SEC31B: variants seen among roughly 807,000 people sequenced by gnomAD.
SEC31B encodes the protein protein transport protein Sec31B.
In SEC31B, 113 loss-of-function variants were observed where a neutral mutation model predicts 135.0. The observed-to-expected ratio is 0.84, with a 90% confidence interval of 0.72 to 0.98. SEC31B has a LOEUF of 0.98. SEC31B is among the 50% of genes least tolerant of loss of function. The pLI, the probability that SEC31B is intolerant of heterozygous loss-of-function variation, is 0.00. For missense variants in SEC31B, 1,296 were observed against 1,421.1 expected (o/e 0.91, Z 1.42); for synonymous variants, 508 against 549.4 (o/e 0.92, Z 1.05).
rs1236871882 is a variant in SEC31B, at chr10:100,498,764, G to C, written c.1625C>G (p.Ala542Gly). The change falls in exon 14 of 26, where the codon GCC becomes GGC. Residue 542 changes from alanine (A) to glycine (G), a missense_variant. By Grantham distance (60) the Ala-to-Gly change is moderately conservative. Coordinates refer to ENST00000370345, the MANE Select transcript of SEC31B (RefSeq NM_015490.4). ...CTGAGGGACCAGCTCATCAAAGAAG[G>C]CTGAGGAAGCAGAGGCTTCCTTTGT... ...HTTKEASASS[A>G]FFDELVPQNM... 6.2e-7 allele frequency: 1 copy of C among 1,613,962 alleles called. No individual in the cohort carries two copies. The highest frequency in any genetic ancestry group is 1.1e-5 in the South Asian group (1 of 91,074).
chr10:100,493,101 C>T (rs186701866), intron 19 of SEC31B, among the ~76,000 whole-genome samples: 285 of 152,256 alleles, frequency 1.9e-3, no homozygotes, highest in African/African-American at 6.3e-3. Context: ...GGGCCGGGCG[C>T]GGTGGCTCAT....
At chr10:100,496,113 C>T in intron 18 of SEC31B, 145 bp downstream of exon 18, 1 of 826,484 alleles carries the variant, frequency 1.2e-6, no homozygotes, top group Non-Finnish European at 1.9e-6. Flanking sequence ...GATCTTCCCC[C>T]AGTAGATTGT....
chr10:100,504,415 G>A (rs779589204), intron 10 of SEC31B, among the ~76,000 whole-genome samples: 32 of 152,232 alleles, frequency 2.1e-4, no homozygotes, highest in Non-Finnish European at 3.7e-4. Flanking sequence ...CTAGTCCTCC[G>A]ACCAGCTGCA....
At position 100,507,786 on chromosome 10, in the gene SEC31B, C is replaced by T. The variant is rs945235453; in HGVS notation, c.639+122G>A. 64 of 1,398,828 alleles carry T rather than the reference C, an allele frequency of 4.6e-5. No individual in the cohort carries two copies. In the African/African-American group the frequency reaches 5.8e-4, roughly 13 times the overall value. The allele number at this position is 1,398,828 out of a possible 1,614,324, so 86.7% of individuals were successfully genotyped here. Reference sequence around the variant, plus strand: ...CACTCTCAATAGGAAATGTGCTAAGCGGCTGACTCCACATGTCCGACAGCT... The same window carrying T: ...CACTCTCAATAGGAAATGTGCTAAGTGGCTGACTCCACATGTCCGACAGCT... On this transcript the variant is annotated intron_variant, in intron 6 of 25. Coordinates refer to ENST00000370345, the MANE Select transcript of SEC31B (RefSeq NM_015490.4).
rs1285853537 is a variant in SEC31B at position 100,487,419 on chromosome 10, G to A, written c.*197C>T. 1 of 598,848 alleles carries A rather than the reference G, an allele frequency of 1.7e-6. No individual in the cohort carries two copies. The highest frequency in any genetic ancestry group is 2.8e-5 in the East Asian group (1 of 35,396). The allele number at this position is 598,848 out of a possible 1,614,324, so 37.1% of individuals were successfully genotyped here. On this transcript the variant is annotated 3_prime_UTR_variant, in exon 26 of 26. Transcript: ENST00000370345. ...TCCAGGCCTGAGAGTGTCTTGGACAGATCCTAGAAGGCCAGACATAAAGGA... is the reference window on the plus strand; with the variant it reads ...TCCAGGCCTGAGAGTGTCTTGGACAAATCCTAGAAGGCCAGACATAAAGGA...
rs1487347042 is a variant in SEC31B, at chr10:100,497,130, G to A, written c.2136+5C>T. 1 of 1,614,058 alleles carries A rather than the reference G, an allele frequency of 6.2e-7. No homozygotes were observed. Among genetic ancestry groups the A allele is most frequent in the Non-Finnish European group, 8.5e-7 (1 of 1,179,986 alleles). On this transcript the variant is annotated splice_donor_5th_base_variant and intron_variant, in intron 17 of 25. Coordinates refer to ENST00000370345, the MANE Select transcript of SEC31B (RefSeq NM_015490.4). ...AGTGGCCAGTACCCTGCAGAGAAGG[G>A]GTACCTGCAGAGCCATGGGGGACAA...
rs17113162 is a variant in SEC31B, at chr10:100,499,283, C to T, written c.1486-25G>A. The T allele has an allele frequency of 1.5e-3, 2,424 of 1,569,454 alleles. 27 individuals are homozygous for T. The African/African-American group carries it at 0.024, about 16-fold the overall frequency. On this transcript the variant is annotated intron_variant, in intron 12 of 25. Coordinates refer to ENST00000370345, the MANE Select transcript of SEC31B (RefSeq NM_015490.4). ...CCTGCAGGGAGAGACCTCTGAAAACCGCTCTTTCAAGCGTAAGATCAAATA... is the reference window on the plus strand; with the variant it reads ...CCTGCAGGGAGAGACCTCTGAAAACTGCTCTTTCAAGCGTAAGATCAAATA...
At chr10:100,497,095 C>T (rs1299550082) in intron 17 of SEC31B, 40 bp downstream of exon 17, 1 of 1,602,952 alleles carries the variant, frequency 6.2e-7, no homozygotes, top group Admixed American at 1.7e-5. Flanking sequence ...CTCCTAAGGG[C>T]CTGGTGTGGA....
In SEC31B at chr10:100,502,149, G is replaced by A. The variant is rs142322056; in HGVS notation, c.1410+105C>T. ...AAAACTAATGGGAGTTAAGGCCTCT[G>A]TGATCTGGGTCCCAGTGTGCTTGTG... On this transcript the variant is annotated intron_variant, in intron 11 of 25. Coordinates refer to ENST00000370345, the MANE Select transcript of SEC31B (RefSeq NM_015490.4). 3.6e-4 allele frequency: 303 copies of A among 834,536 alleles called. 2 individuals carry two copies. In the African/African-American group the frequency reaches 4.9e-3, roughly 13 times the overall value. 51.7% of individuals were successfully genotyped at this position (834,536 alleles called of 1,614,324 possible).
In SEC31B at chr10:100,495,500, G is replaced by A. The variant is rs1379798643; in HGVS notation, c.2357C>T (p.Ser786Phe). Residue 786 changes from serine to phenylalanine, a missense_variant, in exon 19 of 26, where the codon TCT becomes TTT. Transcript: ENST00000370345. ...GGGAGACTGTTGGCCCAAGACAGCA[G>A]AACCTTGAGCATGAAAAAGCCGATC... Reference protein sequence around the residue: ...LRDRLFHAQGSAVLGQQSPPF... With the variant: ...LRDRLFHAQGFAVLGQQSPPF... 3.7e-6 allele frequency: 6 copies of A among 1,614,034 alleles called. No individual in the cohort carries two copies. The South Asian group carries it at 5.5e-5, about 15-fold the overall frequency.
chr10:100,490,341 A>C lies in SEC31B; in HGVS notation c.2651-19T>G, dbSNP rs921082193. On this transcript the variant is annotated intron_variant, in intron 20 of 25. Transcript: ENST00000370345. ...GATGAAGCTGAAGCAGAACAGAAAT[A>C]GGTCATTTGTCACTAAACTTCATTT... 1.2e-6 allele frequency: 2 copies of C among 1,601,886 alleles called. No homozygotes were observed. The highest frequency in any genetic ancestry group is 8.5e-7 in the Non-Finnish European group (1 of 1,174,850).
At chr10:100,508,873 G>A (rs1851683198) in intron 5 of SEC31B, 134 bp downstream of exon 5, 2 of 686,252 alleles carry the variant, frequency 2.9e-6, no homozygotes, top group Non-Finnish European at 5.1e-6. Context: ...TAGCATGTTA[G>A]TCTGTGGAGC....
In SEC31B at chr10:100,506,162, C is replaced by T. The variant is rs762883948; in HGVS notation, c.922G>A (p.Asp308Asn). 13 of 1,614,110 alleles carry T rather than the reference C, an allele frequency of 8.1e-6. No individual in the cohort carries two copies. In the East Asian group the frequency reaches 2.7e-4, roughly 33 times the overall value. The stretch of plus-strand genomic sequence containing the variant: ...GGGTCCCGAGGGCACCACTGCACAT[C>T]AAAGCACCAGCTGCTCTGTGTTGGT... ...KLPTQSSWCF[D>N]VQWCPRDPSV... is the part of the protein sequence containing the mutation. The change falls in exon 9 of 26, where the codon GAT (aspartate) becomes AAT (asparagine). Residue 308 changes from aspartate to asparagine, a missense_variant. By Grantham distance (23) the Asp-to-Asn change is conservative. Coordinates refer to ENST00000370345, the MANE Select transcript of SEC31B (RefSeq NM_015490.4).
At chr10:100,500,103 T>C (rs148803533) in intron 11 of SEC31B, 161 of 456,682 alleles carry the variant, frequency 3.5e-4, no homozygotes, top group Non-Finnish European at 6.1e-4. Flanking sequence ...CAGGGCAACT[T>C]ACATACCTGC....
intron 20 of SEC31B, 63 bp from the exon 21 acceptor site, chr10:100,490,385 T>C (rs1851279111): frequency 1.3e-6 from 2 of 1,482,830 alleles, no homozygotes; most frequent in South Asian, 2.6e-5. Flanking sequence ...ACTCAGAGCA[T>C]ATCAGGGAGA....
intron 19 of SEC31B, 108 bp from the exon 20 acceptor site, chr10:100,490,991 G>A: frequency 8.4e-6 from 6 of 716,472 alleles, no homozygotes; most frequent in African/African-American, 1.8e-5. Context: ...AGTTCTTTGA[G>A]GAAAAAAATC....
chr10:100,495,662 G>T (rs902866751), intron 18 of SEC31B, 116 bp from the exon 19 acceptor site: 2 of 1,011,198 alleles, frequency 2.0e-6, no homozygotes, highest in East Asian at 2.6e-5. Context: ...GTGTTATTTT[G>T]TTGTTGTTGT....
At chr10:100,508,507 A>T (rs549408318) in intron 5 of SEC31B, 1 of 463,588 alleles carries the variant, frequency 2.2e-6, no homozygotes, top group Non-Finnish European at 4.3e-6. Context: ...CCAGGAAGCA[A>T]AAAGATGGGC....
rs751527628 is a variant in SEC31B, at chr10:100,509,380, G to A, written c.335C>T (p.Pro112Leu). The change falls in exon 4 of 26, where the codon CCT becomes CTT. Residue 112 changes from proline (P) to leucine (L), a missense_variant. Pro to Leu is a moderately conservative substitution (Grantham distance 98). Coordinates refer to ENST00000370345, the MANE Select transcript of SEC31B (RefSeq NM_015490.4). ...GTGCTTCTGTTTCTGAGCAATCACA[G>A]GCTCCTTCCCCGAAGACAGGATGTG... ...VTHILSSGKEPVIAQKQKHTG... is the reference protein window; with the variant it reads ...VTHILSSGKELVIAQKQKHTG... 1.6e-5 allele frequency: 26 copies of A among 1,614,038 alleles called. No homozygotes were observed. The South Asian group carries it at 2.2e-4, about 14-fold the overall frequency.
Sources: allele counts gnomAD v4.1 joint callset (sites outside exome capture counted in the v4.1 genomes callset), GRCh38; gene constraint gnomAD v4.1.1; transcripts MANE v1.5; gene names NCBI Gene and HGNC (gene_info 2026-07-23, HGNC 2026-07-21).